RPA2: variants seen among roughly 807,000 people sequenced by gnomAD.
RPA2 encodes replication protein A 32 kDa subunit.
In RPA2, 22 loss-of-function variants were observed where a neutral mutation model predicts 33.4. The observed-to-expected ratio is 0.66, with a 90% CI of 0.47 to 0.94. RPA2 has a LOEUF of 0.94. RPA2 is among the 40% of genes least tolerant of loss of function. The pLI, the probability that RPA2 is intolerant of heterozygous loss-of-function variation, is 0.00. For missense variants in RPA2, 279 were observed against 329.9 expected (o/e 0.85, Z 1.19); for synonymous variants, 109 against 114.9 (o/e 0.95, Z 0.33).
chr1:27,914,395 C>T (rs761333891), intron 1 of RPA2, 39 bp downstream of exon 1: 17 of 1,613,244 alleles, frequency 1.1e-5, no homozygotes, highest in Non-Finnish European at 1.4e-5. Flanking sequence ...AAACCTCCTG[C>T]GATTCTCTTC....
chr1:27,894,289 C>T lies in RPA2; in HGVS notation c.633+1G>A. ...TCTGAAGCCACTCTGGTGGAGGTTA[C>T]CTGGTTTTGGGCCACAGTGAGGCCA... On this transcript the variant is annotated splice_donor_variant, in intron 7 of 8. Coordinates refer to ENST00000373912, the MANE Select transcript of RPA2 (RefSeq NM_002946.5). LOFTEE classifies it high-confidence loss of function. 1 of 1,612,932 alleles carries T rather than the reference C, an allele frequency of 6.2e-7. No homozygotes were observed. The highest frequency in any genetic ancestry group is 8.5e-7 in the Non-Finnish European group (1 of 1,179,534).
At chr1:27,906,896 A>C in intron 4 of RPA2, 32 bp downstream of exon 4, 1 of 1,468,254 alleles carries the variant, frequency 6.8e-7, no homozygotes, top group Non-Finnish European at 9.4e-7. Context: ...GTTCCAAAGT[A>C]ACCCCATCAT....
intron 4 of RPA2, among the ~76,000 whole-genome samples, chr1:27,901,468 T>G (rs1353659720): frequency 2.0e-5 from 3 of 151,696 alleles, no homozygotes; most frequent in African/African-American, 7.3e-5. Flanking sequence ...GTTCAAGCGA[T>G]TCTCCTGCCT....
intron 2 of RPA2, among the ~76,000 whole-genome samples, chr1:27,909,687 C>A (rs970002693): frequency 1.3e-4 from 20 of 151,812 alleles, no homozygotes; most frequent in African/African-American, 4.8e-4. Flanking sequence ...GCACTCCAGC[C>A]TGGGCAACAG....
intron 8 of RPA2, among the ~76,000 whole-genome samples, chr1:27,892,987 G>C (rs2089843690): frequency 1.3e-5 from 2 of 152,160 alleles, no homozygotes; most frequent in South Asian, 4.1e-4. Context: ...GTCTAAGATG[G>C]AATCAGGACA....
intron 5 of RPA2, 55 bp downstream of exon 5, chr1:27,897,578 T>C: frequency 7.6e-7 from 1 of 1,323,174 alleles, no homozygotes; most frequent in African/African-American, 1.5e-5. Context: ...ATGACATGAA[T>C]CTAGAAACTG....
At chr1:27,913,757 A>T (rs1470658457) in intron 2 of RPA2, among the ~76,000 whole-genome samples, 31 of 152,088 alleles carry the variant, frequency 2.0e-4, no homozygotes, top group Admixed American at 2.0e-3. Context: ...TCTCTATTTT[A>T]AAAAATAAAA....
Position 27,907,000 on chromosome 1 carries a change from T to G in RPA2, c.261A>C (p.Pro87=), listed in dbSNP as rs927100884. 6.2e-7 allele frequency: 1 copy of G among 1,613,886 alleles called. No individual in the cohort carries two copies. The highest frequency in any genetic ancestry group is 1.3e-5 in the African/African-American group (1 of 74,852). The change falls in exon 4 of 9, where the codon CCA becomes CCC. Residue 87 remains proline (P), a synonymous_variant. Transcript: ENST00000373912. Reference sequence around the variant, plus strand: ...CATCTATTTTGTAAACAATGTTGGTTGGAGCCTTCTCTGCATGTCTGATGA... The same window carrying G: ...CATCTATTTTGTAAACAATGTTGGTGGGAGCCTTCTCTGCATGTCTGATGA... ...VGIIRHAEKA[P]TNIVYKIDDM...
chr1:27,901,578 C>A (rs937067581), intron 4 of RPA2, among the ~76,000 whole-genome samples: 3 of 152,020 alleles, frequency 2.0e-5, no homozygotes, highest in Admixed American at 1.3e-4. Context: ...CCAGGCTGGT[C>A]TTGAACTCCT....
At chr1:27,909,891 G>A (rs1470027889) in intron 2 of RPA2, among the ~76,000 whole-genome samples, 1 of 152,128 alleles carries the variant, frequency 6.6e-6, no homozygotes, top group Admixed American at 6.6e-5. Flanking sequence ...ATTAGCTATT[G>A]TTCCTCATTC....
intron 4 of RPA2, among the ~76,000 whole-genome samples, chr1:27,897,911 T>C (rs2089913240): frequency 6.6e-6 from 1 of 152,228 alleles, no homozygotes; most frequent in African/African-American, 2.4e-5. Flanking sequence ...TAAAGGTAAT[T>C]ATCAGTTCCA....
intron 4 of RPA2, among the ~76,000 whole-genome samples, chr1:27,904,702 C>T (rs1351691799): frequency 6.6e-6 from 1 of 151,562 alleles, no homozygotes; most frequent in Non-Finnish European, 1.5e-5. Flanking sequence ...CAGAGCAGTG[C>T]GCAATCTGCT....
rs774640706 is a variant in RPA2, at chr1:27,894,028, A to G, written c.712T>C (p.Ser238Pro). Reference sequence around the variant, plus strand: ...AATACTTACTTGATTGAGGATACAGACATGTGTTTCAGCTGGTTCTTGAGA... The same window carrying G: ...AATACTTACTTGATTGAGGATACAGGCATGTGTTTCAGCTGGTTCTTGAGA... ...QDLKNQLKHM[S>P]VSSIKQAVDF... Residue 238 changes from serine to proline, a missense_variant, in exon 8 of 9, where the codon TCT becomes CCT. Around this residue, in one of 2 missense-constraint regions of RPA2, gnomAD observed 274 missense variants for 310.3 expected, o/e 0.88. Coordinates refer to ENST00000373912, the MANE Select transcript of RPA2 (RefSeq NM_002946.5). 7 of 1,613,896 alleles carry G rather than the reference A, an allele frequency of 4.3e-6. No individual in the cohort carries two copies. The East Asian group carries it at 1.6e-4, about 36-fold the overall frequency.
In RPA2 at chr1:27,893,893, G is replaced by A. The variant is rs1215926798; in HGVS notation, c.728+119C>T. 4 of 774,620 alleles carry A rather than the reference G, an allele frequency of 5.2e-6. No individual in the cohort carries two copies. In the East Asian group the frequency reaches 1.1e-4, roughly 21 times the overall value. The allele number at this position is 774,620 out of a possible 1,614,324, so 48.0% of individuals were successfully genotyped here. A position where few individuals can be genotyped will look rare whatever the true frequency, so the allele number is the denominator to read the frequency against. ...CAAAGTGCTGAGATTACAGGCGTGAGCCACCATGCCCGGCTGCCAAGTTTT... is the reference window on the plus strand; with the variant it reads ...CAAAGTGCTGAGATTACAGGCGTGAACCACCATGCCCGGCTGCCAAGTTTT... On this transcript the variant is annotated intron_variant, in intron 8 of 8. Coordinates refer to ENST00000373912, the MANE Select transcript of RPA2 (RefSeq NM_002946.5).
At chr1:27,910,171 G>A (rs6700473) in intron 2 of RPA2, among the ~76,000 whole-genome samples, 50,374 of 151,940 alleles carry the variant, frequency 0.33, 8,857 homozygotes, top group East Asian at 0.52. Flanking sequence ...AGAGAGTCCT[G>A]TAGACCCATG....
intron 5 of RPA2, 78 bp downstream of exon 5, chr1:27,897,555 C>A: frequency 2.1e-6 from 2 of 967,626 alleles, no homozygotes; most frequent in Non-Finnish European, 3.0e-6. Context: ...AGTATTTTAA[C>A]TATCCAAAAG....
At chr1:27,911,661 A>G (rs930732638) in intron 2 of RPA2, among the ~76,000 whole-genome samples, 8 of 152,184 alleles carry the variant, frequency 5.3e-5, no homozygotes, top group Non-Finnish European at 1.2e-4. Context: ...TTTGTTCAGC[A>G]TCATGTGCGT....
intron 4 of RPA2, among the ~76,000 whole-genome samples, chr1:27,900,560 T>C (rs1378937045): frequency 6.6e-6 from 1 of 151,642 alleles, no homozygotes; most frequent in Non-Finnish European, 1.5e-5. Flanking sequence ...GTGGGGCAAG[T>C]AACAGCAGAT....
chr1:27,899,230 TGG>T (rs1453680346), intron 4 of RPA2, among the ~76,000 whole-genome samples: 3 of 149,154 alleles, frequency 2.0e-5, no homozygotes, highest in Non-Finnish European at 3.0e-5. Flanking sequence ...AAAAAAAGGG[TGG>T]GCACAGTGGC....
Sources: gnomAD v4.1 joint callset for allele counts (sites outside exome capture counted in the v4.1 genomes callset) on GRCh38, gnomAD v4.1.1 for gene constraint, gnomAD v4.1.1 regional missense constraint, MANE v1.5 for transcripts, NCBI Gene and HGNC (gene_info 2026-07-23, HGNC 2026-07-21) for gene names.